The following ATP7B variants were observed in gnomAD, a reference collection of about 807,000 sequenced individuals.
The protein encoded by ATP7B is copper-transporting ATPase 2.
Under a neutral mutation model 118.9 loss-of-function variants are expected in ATP7B, and 113 were observed. The ratio of observed to expected loss-of-function variants is 0.95; its 90% CI spans 0.82 to 1.11. The LOEUF is 1.11. Ranked by LOEUF, ATP7B falls within the 50% of genes most tolerant of loss-of-function variation. The probability of loss-of-function intolerance (pLI) is 0.00; values close to 1 mark genes in which losing one functional copy is unlikely to be tolerated. For synonymous variants in ATP7B, 777 were observed against 727.4 expected (o/e 1.07, Z -1.10); for missense variants, 1,867 against 1,871.4 (o/e 1.00, Z 0.04).
chr13:51,995,828 G>A (rs1285024447), intron 1 of ATP7B, among the ~76,000 whole-genome samples: 2 of 152,112 alleles, frequency 1.3e-5, no homozygotes, highest in African/African-American at 2.4e-5. Context: ...AACACACTGT[G>A]TGCAGCACTG....
At chr13:52,010,217 C>T (rs1953956741) in intron 1 of ATP7B, among the ~76,000 whole-genome samples, 1 of 152,154 alleles carries the variant, frequency 6.6e-6, no homozygotes, top group Non-Finnish European at 1.5e-5. Flanking sequence ...ACTAACCAGC[C>T]TCTCTCTGTC....
intron 1 of ATP7B, among the ~76,000 whole-genome samples, chr13:51,981,253 GA>G (rs1204320162): frequency 6.6e-6 from 1 of 152,126 alleles, no homozygotes; most frequent in Non-Finnish European, 1.5e-5. Flanking sequence ...CTACAATGCA[GA>G]AAAGTGAAAT....
chr13:51,983,847 C>T (rs1164172931), intron 1 of ATP7B, among the ~76,000 whole-genome samples: 1 of 152,130 alleles, frequency 6.6e-6, no homozygotes, highest in Admixed American at 6.5e-5. Flanking sequence ...AACTAACAAA[C>T]AGAAAGGTAT....
In ATP7B at chr13:51,965,009, A is replaced by G. The variant is rs1406880370; in HGVS notation, c.1732T>C (p.Cys578Arg). The G allele has an allele frequency of 1.9e-6, 3 of 1,614,168 alleles. No homozygotes were observed. Among genetic ancestry groups the G allele is most frequent in the Non-Finnish European group, 2.5e-6 (3 of 1,180,042 alleles). Residue 578 changes from cysteine (C) to arginine (R), a missense_variant, in exon 5 of 21, where the codon TGT becomes CGT. Cys to Arg is a radical substitution (Grantham distance 180). Transcript: ENST00000242839. ...AGTTTGGACTCTATGTTGTGGACAC[A>G]GGACGCGCAGGTCATCCCTGTGATC... ...LTITGMTCAS[C>R]VHNIESKLTR...
Position 51,934,913 on chromosome 13 carries a change from G to A in ATP7B, c.4241C>T (p.Pro1414Leu), listed in dbSNP as rs374693153. The A allele has an allele frequency of 6.2e-7, 1 of 1,614,114 alleles. No individual in the cohort carries two copies. The highest frequency in any genetic ancestry group is 8.5e-7 in the Non-Finnish European group (1 of 1,180,032). The part of the protein sequence containing the change: ...IGMDDRWRDS[P>L]RATPWDQVSY... ...GACCTGGTCCCATGGTGTGGCCCTG[G>A]GGGAGTCCCGCCACCTGTCATCCAT... The change falls in exon 21 of 21, where the codon CCC (proline) becomes CTC (leucine). Residue 1414 changes from proline to leucine, a missense_variant. Transcript: ENST00000242839.
intron 1 of ATP7B, among the ~76,000 whole-genome samples, chr13:52,010,266 G>A (rs112090136): frequency 1.2e-3 from 176 of 152,206 alleles, no homozygotes; most frequent in African/African-American, 4.0e-3. Flanking sequence ...TGTATCACCG[G>A]AGCCTAGATG....
intron 5 of ATP7B, among the ~76,000 whole-genome samples, chr13:51,963,043 G>A (rs2139701748): frequency 6.6e-6 from 1 of 151,790 alleles, no homozygotes; most frequent in Middle Eastern, 3.4e-3. Context: ...AGTGAGCTGA[G>A]ACCATGCCAC....
chr13:51,960,068 T>C, intron 7 of ATP7B, 80 bp downstream of exon 7: 1 of 1,524,254 alleles, frequency 6.6e-7, no homozygotes, highest in Non-Finnish European at 9.1e-7. Context: ...TAAAGCACTA[T>C]GTTTGCGCTT....
At chr13:51,942,268 T>G (rs1593664783) in intron 15 of ATP7B, 118 bp downstream of exon 15, 1 of 1,489,246 alleles carries the variant, frequency 6.7e-7, no homozygotes, top group South Asian at 1.1e-5. Context: ...CAGGCTTGGG[T>G]GCCTTAGCCA....
chr13:52,009,824 A>G (rs1953938733), intron 1 of ATP7B, among the ~76,000 whole-genome samples: 1 of 152,188 alleles, frequency 6.6e-6, no homozygotes, highest in Admixed American at 6.5e-5. Flanking sequence ...GTTTGAGCAC[A>G]TAGTACACAC....
chr13:52,002,323 A>C (rs1300378284), intron 1 of ATP7B, among the ~76,000 whole-genome samples: 2 of 151,170 alleles, frequency 1.3e-5, no homozygotes, highest in African/African-American at 4.9e-5. Context: ...GCACTTTGAG[A>C]GGCTGAAATG....
chr13:51,996,316 A>C (rs1176543993), intron 1 of ATP7B, among the ~76,000 whole-genome samples: 1 of 152,068 alleles, frequency 6.6e-6, no homozygotes, highest in Non-Finnish European at 1.5e-5. Context: ...CCACATGGGG[A>C]TTAATAGGAG....
At position 51,937,361 on chromosome 13, in the gene ATP7B, G is replaced by A. The variant is rs1215843572; in HGVS notation, c.3936C>T (p.His1312=). 6.2e-7 allele frequency: 1 copy of A among 1,614,236 alleles called. No homozygotes were observed. Among genetic ancestry groups the A allele is most frequent in the Non-Finnish European group, 8.5e-7 (1 of 1,180,040 alleles). Residue 1312 remains histidine, a synonymous_variant, in exon 19 of 21, where the codon CAC becomes CAT. Transcript: ENST00000242839. ...NDLLDVVASI[H]LSKRTVRRIR... is the part of the protein sequence containing the mutation. Reference sequence around the variant, plus strand: ...TCCTTCGGACAGTCCTCTTGGAAAGGTGAATGCTAGCCACCACATCCAGCA... The same window carrying A: ...TCCTTCGGACAGTCCTCTTGGAAAGATGAATGCTAGCCACCACATCCAGCA...
intron 2 of ATP7B, among the ~76,000 whole-genome samples, chr13:51,971,913 C>T (rs1370165040): frequency 2.0e-5 from 3 of 152,244 alleles, no homozygotes; most frequent in Non-Finnish European, 2.9e-5. Flanking sequence ...GGCTTGCCCA[C>T]GCCACTGAAA....
At position 51,939,211 on chromosome 13, in the gene ATP7B, G is replaced by C; in HGVS notation, c.3557-18C>G. 3 of 1,611,654 alleles carry C rather than the reference G, an allele frequency of 1.9e-6. No homozygotes were observed. Among genetic ancestry groups the C allele is most frequent in the South Asian group, 2.2e-5 (2 of 91,080 alleles). ...GAGCACACCTGGAGCGAACCAGCCAGCATCAGCAGCTACACAAGTTGGGGC... is the reference window on the plus strand; with the variant it reads ...GAGCACACCTGGAGCGAACCAGCCACCATCAGCAGCTACACAAGTTGGGGC... On this transcript the variant is annotated intron_variant, in intron 16 of 20. Coordinates refer to ENST00000242839, the MANE Select transcript of ATP7B (RefSeq NM_000053.4).
At chr13:52,005,515 T>G (rs534175993) in intron 1 of ATP7B, among the ~76,000 whole-genome samples, 2 of 152,354 alleles carry the variant, frequency 1.3e-5, no homozygotes, top group East Asian at 3.9e-4. Flanking sequence ...TCCTCATTTC[T>G]GTCTAAGACC....
intron 17 of ATP7B, among the ~76,000 whole-genome samples, chr13:51,937,956 T>G (rs1957070725): frequency 6.6e-6 from 1 of 152,208 alleles, no homozygotes; most frequent in Admixed American, 6.5e-5. Context: ...GTCTTCTCCA[T>G]GTGCTGCCCC....
chr13:51,968,569 C>T lies in ATP7B; in HGVS notation c.1582G>A (p.Ala528Thr), dbSNP rs1180236582. Residue 528 changes from alanine to threonine, a missense_variant, in exon 4 of 21, where the codon GCA becomes ACA. By Grantham distance (58) the Ala-to-Thr change is moderately conservative. Transcript: ENST00000242839. ...ACCTCTGGGTCATACTTGATCTCTG[C>T]CTTTCCTGCCATCAAGGCAACCAAC... is the stretch of plus-strand genomic sequence containing the variant. ...SVLVALMAGK[A>T]EIKYDPEVIQ... The T allele has an allele frequency of 1.9e-6, 3 of 1,614,042 alleles. No homozygotes were observed. Among genetic ancestry groups the T allele is most frequent in the Non-Finnish European group, 2.5e-6 (3 of 1,180,046 alleles).
At chr13:51,989,302 T>C (rs1952802999) in intron 1 of ATP7B, among the ~76,000 whole-genome samples, 1 of 152,186 alleles carries the variant, frequency 6.6e-6, no homozygotes, top group African/African-American at 2.4e-5. Flanking sequence ...TATTTAAATT[T>C]TATCTACTTT....
Sources: gnomAD v4.1 joint callset for allele counts (sites outside exome capture counted in the v4.1 genomes callset) on GRCh38, gnomAD v4.1.1 for gene constraint, MANE v1.5 for transcripts, NCBI Gene and HGNC (gene_info 2026-07-23, HGNC 2026-07-21) for gene names.